Variants in GALNT11 observed in about 807,000 individuals in gnomAD.
The protein encoded by GALNT11 is polypeptide N-acetylgalactosaminyltransferase 11.
Under a neutral mutation model 72.7 loss-of-function variants are expected in GALNT11, and 47 were observed. The ratio of observed to expected loss-of-function variants is 0.65; its 90% CI spans 0.51 to 0.82. The LOEUF (loss-of-function observed/expected upper bound fraction) is 0.82. Among genes scored for constraint, GALNT11 ranks in the 40% least tolerant of loss-of-function variants. GALNT11 has a pLI of 0.00. For missense variants in GALNT11, 677 were observed against 778.4 expected (o/e 0.87, Z 1.55); for synonymous variants, 270 against 286.6 (o/e 0.94, Z 0.58).
Position 152,052,696 on chromosome 7 carries a change from C to A in GALNT11, c.-39+26812C>A, listed in dbSNP as rs1312136757. On this transcript the variant is annotated intron_variant, in intron 1 of 11. Coordinates refer to ENST00000430044, the MANE Select transcript of GALNT11 (RefSeq NM_022087.4). ...CTTCCTGGGTTCTTCCTCCTCCACA[C>A]AGTCCTTAAATGTACATGTTCCCAG... 2.0e-5 allele frequency among the ~76,000 whole-genome samples: 3 copies of A among 152,212 alleles called. No individual in the cohort carries two copies. The East Asian group carries it at 5.8e-4, about 29-fold the overall frequency.
intron 2 of GALNT11, among the ~76,000 whole-genome samples, chr7:152,098,813 G>C (rs1490881947): frequency 6.6e-6 from 1 of 152,170 alleles, no homozygotes; most frequent in Non-Finnish European, 1.5e-5. Flanking sequence ...TGCTAGTGGA[G>C]GTTTGTTGTT....
intron 5 of GALNT11, chr7:152,107,222 G>T (rs368458048): frequency 6.6e-6 from 1 of 150,492 alleles, no homozygotes. Context: ...CAGAAGAACC[G>T]TGGAGCTCTT....
intron 1 of GALNT11, among the ~76,000 whole-genome samples, chr7:152,068,155 C>G (rs1245463699): frequency 2.6e-5 from 4 of 152,102 alleles, no homozygotes. Context: ...AAAAATTCCC[C>G]TGTGCTTCAT....
chr7:152,088,884 A>C (rs2085823509), intron 1 of GALNT11, among the ~76,000 whole-genome samples: 1 of 152,028 alleles, frequency 6.6e-6, no homozygotes, highest in African/African-American at 2.4e-5. Flanking sequence ...CTGTGTCTGT[A>C]TTTATGCCTC....
At chr7:152,026,391 T>C (rs918332101) in intron 1 of GALNT11, among the ~76,000 whole-genome samples, 2 of 152,228 alleles carry the variant, frequency 1.3e-5, no homozygotes, top group Non-Finnish European at 1.5e-5. Flanking sequence ...CTAAGACAGC[T>C]GCAAAGATAA....
chr7:152,078,885 A>G lies in GALNT11; in HGVS notation c.-38-15305A>G, dbSNP rs543921161. ...ATAAAAGGCAAGCTTTCCAGACCCA[A>G]AGGATTAGTTTATAATGCAGGAATT... is the stretch of plus-strand genomic sequence containing the variant. On this transcript the variant is annotated intron_variant, in intron 1 of 11. Coordinates refer to ENST00000430044, the MANE Select transcript of GALNT11 (RefSeq NM_022087.4). Among the ~76,000 whole-genome samples the G allele has an allele frequency of 5.9e-5, 9 of 152,356 alleles. No individual in the cohort carries two copies. In the East Asian group the frequency reaches 1.7e-3, roughly 29 times the overall value.
At chr7:152,083,720 A>G (rs2085457001) in intron 1 of GALNT11, among the ~76,000 whole-genome samples, 1 of 152,210 alleles carries the variant, frequency 6.6e-6, no homozygotes, top group South Asian at 2.1e-4. Flanking sequence ...AGCTCCAGAA[A>G]AAAAAACCTG....
chr7:152,100,821 C>T lies in GALNT11; in HGVS notation c.319C>T (p.Gln107Ter). 1 of 1,613,836 alleles carries T rather than the reference C, an allele frequency of 6.2e-7. No homozygotes were observed. The highest frequency in any genetic ancestry group is 8.5e-7 in the Non-Finnish European group (1 of 1,179,940). Residue 107 changes from glutamine to a stop codon, truncating the protein, a stop_gained, in exon 3 of 12, where the codon CAA becomes TAA. Coordinates refer to ENST00000430044, the MANE Select transcript of GALNT11 (RefSeq NM_022087.4). LOFTEE classifies it high-confidence loss of function. ...ELGMIFNERD[Q>*]ELRDLGYQKH... ...AGGTATGATTTTTAATGAACGCGAT[C>T]AAGAGTTGAGAGACTTGGGCTATCA...
At chr7:152,093,654 T>G (rs1370202645) in intron 1 of GALNT11, among the ~76,000 whole-genome samples, 1 of 151,956 alleles carries the variant, frequency 6.6e-6, no homozygotes, top group African/African-American at 2.4e-5. Flanking sequence ...GTCTCGAACT[T>G]CTGACCTCAA....
chr7:152,028,684 C>A (rs115903951), intron 1 of GALNT11, among the ~76,000 whole-genome samples: 3 of 152,150 alleles, frequency 2.0e-5, no homozygotes, highest in African/African-American at 4.8e-5. Context: ...TCAATCCCCC[C>A]CCTCTAAACA....
chr7:152,043,460 C>T (rs62481473), intron 1 of GALNT11, among the ~76,000 whole-genome samples: 5,441 of 152,278 alleles, frequency 0.036, 231 homozygotes, highest in African/African-American at 0.1. Context: ...GAAATGGGGC[C>T]GGGAACTGGC....
intron 1 of GALNT11, among the ~76,000 whole-genome samples, chr7:152,035,975 G>T (rs1319133803): frequency 6.6e-6 from 1 of 152,160 alleles, no homozygotes; most frequent in African/African-American, 2.4e-5. Flanking sequence ...CTCTCTTCTT[G>T]CTTCTGCTAA....
At chr7:152,062,770 T>C (rs964745130) in intron 1 of GALNT11, among the ~76,000 whole-genome samples, 2 of 152,254 alleles carry the variant, frequency 1.3e-5, no homozygotes, top group Non-Finnish European at 2.9e-5. Context: ...ATTACGTTTA[T>C]TGATTTTCAT....
At chr7:152,042,816 G>A (rs1256203409) in intron 1 of GALNT11, among the ~76,000 whole-genome samples, 1 of 152,118 alleles carries the variant, frequency 6.6e-6, no homozygotes, top group African/African-American at 2.4e-5. Context: ...TGTCCATCGG[G>A]CCCTTCACAA....
At chr7:152,097,219 A>G (rs1694151287) in intron 2 of GALNT11, among the ~76,000 whole-genome samples, 1 of 152,212 alleles carries the variant, frequency 6.6e-6, no homozygotes, top group Admixed American at 6.5e-5. Flanking sequence ...CAAAGAAGAT[A>G]TGCAAATGGC....
intron 1 of GALNT11, among the ~76,000 whole-genome samples, chr7:152,037,317 C>G (rs564816218): frequency 6.6e-4 from 100 of 152,290 alleles, no homozygotes; most frequent in Non-Finnish European, 1.2e-3. Flanking sequence ...ATTGAAGAGA[C>G]TCTCCTTTTC....
intron 4 of GALNT11, chr7:152,103,498 G>T: frequency 2.3e-6 from 1 of 443,624 alleles, no homozygotes; most frequent in Non-Finnish European, 4.1e-6. Context: ...TTTTTTCCGT[G>T]GCTTACTTTA....
intron 1 of GALNT11, among the ~76,000 whole-genome samples, chr7:152,058,479 A>AT (rs1325757054): frequency 1.3e-5 from 2 of 152,052 alleles, no homozygotes; most frequent in African/African-American, 4.8e-5. Context: ...GACTACAGGC[A>AT]TGCGTCACCA....
At chr7:152,106,530 C>T (rs943811293) in intron 5 of GALNT11, among the ~76,000 whole-genome samples, 2 of 151,774 alleles carry the variant, frequency 1.3e-5, no homozygotes, top group African/African-American at 2.4e-5. Flanking sequence ...GACTTTTTTT[C>T]TAGGTTTCTA....
Sources: gnomAD v4.1 joint callset for allele counts (sites outside exome capture counted in the v4.1 genomes callset) on GRCh38, gnomAD v4.1.1 for gene constraint, MANE v1.5 for transcripts, NCBI Gene and HGNC (gene_info 2026-07-23, HGNC 2026-07-21) for gene names.